The following USP37 variants were observed in gnomAD, a reference collection of about 807,000 sequenced individuals.
USP37 encodes the protein ubiquitin specific peptidase 37, also known as ubiquitin carboxyl-terminal hydrolase 37.
Under a neutral mutation model 124.0 loss-of-function variants are expected in USP37, and 27 were observed. The ratio of observed to expected loss-of-function variants is 0.22; its 90% CI spans 0.16 to 0.30. USP37 has a LOEUF of 0.30. Ranked by LOEUF, USP37 falls within the 10% of genes least tolerant of loss-of-function variation. The pLI, the probability that USP37 is intolerant of heterozygous loss-of-function variation, is 1.00. For missense variants in USP37, 889 were observed against 1,140.4 expected (o/e 0.78, Z 3.17); for synonymous variants, 365 against 388.0 (o/e 0.94, Z 0.70).
chr2:218,532,466 CAAAAAA>C (rs35277725), intron 9 of USP37, among the ~76,000 whole-genome samples: 2 of 115,398 alleles, frequency 1.7e-5, no homozygotes, highest in Admixed American at 9.0e-5. Flanking sequence ...GACTCTGTCT[CAAAAAA>C]AAAAAAAAAA....
intron 21 of USP37, 119 bp downstream of exon 21, chr2:218,465,891 T>C (rs1277026824): frequency 1.6e-6 from 2 of 1,283,710 alleles, no homozygotes; most frequent in Admixed American, 5.0e-5. Flanking sequence ...TGACTTACTC[T>C]ATGTAAATCA....
intron 5 of USP37, among the ~76,000 whole-genome samples, chr2:218,550,235 T>G (rs1321528669): frequency 6.6e-6 from 1 of 152,094 alleles, no homozygotes; most frequent in Non-Finnish European, 1.5e-5. Context: ...GAAAAGTCAT[T>G]GTGTATCAAC....
At chr2:218,552,778 G>C (rs1312863067) in intron 5 of USP37, among the ~76,000 whole-genome samples, 3 of 152,038 alleles carry the variant, frequency 2.0e-5, no homozygotes, top group Non-Finnish European at 4.4e-5. Flanking sequence ...TTTTCATATA[G>C]ATAGGTAAGT....
At chr2:218,518,657 A>G (rs1323665382) in intron 10 of USP37, among the ~76,000 whole-genome samples, 1 of 152,234 alleles carries the variant, frequency 6.6e-6, no homozygotes, top group African/African-American at 2.4e-5. Context: ...AAAGGAAAAT[A>G]TAAAACCGGT....
Position 218,553,601 on chromosome 2 carries a change from C to T in USP37, c.280G>A (p.Glu94Lys). Reference protein sequence around the residue: ...IDKVPSKDAEEMRLFLDAVHQ... With the variant: ...IDKVPSKDAEKMRLFLDAVHQ... Reference sequence around the variant, plus strand: ...ACTGCATCTAGAAACAACCTCATTTCCTCTGCATCCTTACTTGGTACTTTG... The same window carrying T: ...ACTGCATCTAGAAACAACCTCATTTTCTCTGCATCCTTACTTGGTACTTTG... Residue 94 changes from glutamate (E) to lysine (K), a missense_variant, in exon 5 of 26, where the codon GAA becomes AAA. Physicochemically the swap from Glu to Lys is moderately conservative, Grantham distance 56. This residue lies in a region of USP37 where 374 missense variants were observed against 386.0 expected (regional missense o/e 0.97). Transcript: ENST00000258399. 6.2e-7 allele frequency: 1 copy of T among 1,613,832 alleles called. No individual in the cohort carries two copies. The highest frequency in any genetic ancestry group is 1.7e-5 in the Admixed American group (1 of 59,970).
In USP37 at chr2:218,451,586, G is replaced by A. The variant is rs906354150; in HGVS notation, c.*3344C>T. On this transcript the variant is annotated 3_prime_UTR_variant, in exon 26 of 26. Transcript: ENST00000258399. ...GATAATTTTCATTATATCCGTAGCTGTATGTGTGTATAGTTACATAATGGT... is the reference window on the plus strand; with the variant it reads ...GATAATTTTCATTATATCCGTAGCTATATGTGTGTATAGTTACATAATGGT... 6 of 101,310 alleles carry A rather than the reference G, an allele frequency of 5.9e-5. No individual in the cohort carries two copies. Among genetic ancestry groups the A allele is most frequent in the African/African-American group, 1.3e-4 (4 of 29,990 alleles). 6.3% of individuals were successfully genotyped at this position (101,310 alleles called of 1,614,324 possible).
At chr2:218,509,689 T>C (rs905483368) in intron 11 of USP37, among the ~76,000 whole-genome samples, 4 of 152,160 alleles carry the variant, frequency 2.6e-5, no homozygotes, top group African/African-American at 9.7e-5. Context: ...AGGGAAAATA[T>C]ATAAAAAATG....
chr2:218,510,580 CTTCA>C (rs765955223), intron 10 of USP37, among the ~76,000 whole-genome samples: 57 of 152,158 alleles, frequency 3.7e-4, no homozygotes, highest in Non-Finnish European at 7.9e-4. Flanking sequence ...TATTTTCAAT[CTTCA>C]TTTTTAATTT....
At position 218,455,613 on chromosome 2, in the gene USP37, T is replaced by C. The variant is rs774992761; in HGVS notation, c.2819A>G (p.Asp940Gly). The C allele has an allele frequency of 3.7e-6, 6 of 1,614,028 alleles. No individual in the cohort carries two copies. The highest frequency in any genetic ancestry group is 5.1e-6 in the Non-Finnish European group (6 of 1,179,970). Residue 940 changes from aspartate (D) to glycine (G), a missense_variant, in exon 25 of 26, where the codon GAT becomes GGT. By Grantham distance (94) the Asp-to-Gly change is moderately conservative (BLOSUM62 -1). Coordinates refer to ENST00000258399, the MANE Select transcript of USP37 (RefSeq NM_020935.3). ...ATAAAAGAAGATGTAGCCACTCCGA[T>C]CTCGATCACTCTGCACGGCAGCCTC... ...IQEAAVQSDR[D>G]RSGYIFFYMH...
At chr2:218,511,467 C>T (rs1689991187) in intron 10 of USP37, among the ~76,000 whole-genome samples, 1 of 152,180 alleles carries the variant, frequency 6.6e-6, no homozygotes, top group Admixed American at 6.5e-5. Flanking sequence ...CGCCACCACA[C>T]CTGGCTTACT....
intron 6 of USP37, among the ~76,000 whole-genome samples, 173 bp downstream of exon 6, chr2:218,549,636 T>G (rs1362163628): frequency 6.6e-6 from 1 of 152,078 alleles, no homozygotes; most frequent in African/African-American, 2.4e-5. Flanking sequence ...GGCTAATTTT[T>G]CTATTTTTAG....
chr2:218,463,478 C>T (rs1032843425), intron 21 of USP37, 112 bp from the exon 22 acceptor site: 1 of 832,848 alleles, frequency 1.2e-6, no homozygotes, highest in Non-Finnish European at 1.9e-6. Context: ...CTTTCTATAA[C>T]CTTATGGATG....
chr2:218,469,730 G>T (rs1033650328), intron 20 of USP37, among the ~76,000 whole-genome samples: 13 of 151,714 alleles, frequency 8.6e-5, no homozygotes, highest in African/African-American at 3.1e-4. Context: ...AAATCTATGG[G>T]GACAAACATG....
chr2:218,459,836 A>G lies in USP37; in HGVS notation c.2597T>C (p.Met866Thr), dbSNP rs747672159. 5 of 1,613,910 alleles carry G rather than the reference A, an allele frequency of 3.1e-6. No homozygotes were observed. The East Asian group carries it at 6.7e-5, about 22-fold the overall frequency. ...EDSGNEDVFD[M>T]EYTEAEAEEL... ...CTCAGCTTCAGCTTCTGTGTACTCCATATCAAAAACATCCTCATTTCCAGA... is the reference window on the plus strand; with the variant it reads ...CTCAGCTTCAGCTTCTGTGTACTCCGTATCAAAAACATCCTCATTTCCAGA... Residue 866 changes from methionine to threonine, a missense_variant, in exon 23 of 26, where the codon ATG becomes ACG. Physicochemically the swap from Met to Thr is moderately conservative, Grantham distance 81 (BLOSUM62 -1). Around this residue, in one of 3 missense-constraint regions of USP37, gnomAD observed 504 missense variants for 714.3 expected, o/e 0.71. Transcript: ENST00000258399.
At chr2:218,556,057 G>C (rs949490717) in intron 4 of USP37, among the ~76,000 whole-genome samples, 1 of 151,968 alleles carries the variant, frequency 6.6e-6, no homozygotes, top group Non-Finnish European at 1.5e-5. Flanking sequence ...CTGAAATAAA[G>C]TCATCTGCCT....
At chr2:218,524,889 C>A (rs762146700) in intron 10 of USP37, among the ~76,000 whole-genome samples, 1 of 152,130 alleles carries the variant, frequency 6.6e-6, no homozygotes, top group Non-Finnish European at 1.5e-5. Context: ...GGGTTACAGG[C>A]GTGAGCCACC....
chr2:218,498,379 T>C (rs1249655151), intron 11 of USP37: 5 of 321,330 alleles, frequency 1.6e-5, no homozygotes, highest in African/African-American at 4.4e-5. Flanking sequence ...AGTTACTAGA[T>C]CACGTTGATG....
Position 218,497,780 on chromosome 2 carries a change from T to G in USP37, c.1235A>C (p.Asn412Thr), listed in dbSNP as rs778587800. Residue 412 changes from asparagine (N) to threonine (T), a missense_variant, in exon 13 of 26, where the codon AAT becomes ACT. By Grantham distance (65) the Asn-to-Thr change is moderately conservative. Coordinates refer to ENST00000258399, the MANE Select transcript of USP37 (RefSeq NM_020935.3). ...TCTCTCTGCTGTAGCTGAAATGGCA[T>G]TTTTAACCTTCTTGAGTAAATCCTT... The part of the protein sequence containing the change: ...TKKDLLKKVK[N>T]AISATAERFS... The G allele has an allele frequency of 1.2e-6, 2 of 1,614,048 alleles. No homozygotes were observed.
chr2:218,467,495 C>T (rs1690416458), intron 20 of USP37, among the ~76,000 whole-genome samples: 1 of 151,966 alleles, frequency 6.6e-6, no homozygotes, highest in Non-Finnish European at 1.5e-5. Flanking sequence ...ATTACAGGTG[C>T]ACGCCACCAC....
Sources: allele counts gnomAD v4.1 joint callset (sites outside exome capture counted in the v4.1 genomes callset), GRCh38; gene constraint gnomAD v4.1.1; regional missense constraint gnomAD v4.1.1; transcripts MANE v1.5; gene names NCBI Gene and HGNC (gene_info 2026-07-23, HGNC 2026-07-21).